DCC: variants seen among roughly 807,000 people sequenced by gnomAD.
DCC encodes the protein DCC netrin 1 receptor, also known as netrin receptor DCC.
In DCC, 58 loss-of-function variants were observed where a neutral mutation model predicts 172.5. That is an observed-to-expected ratio of 0.34 (90% CI 0.27 to 0.42). DCC has a LOEUF of 0.42. Ranked by LOEUF, DCC falls within the 10% of genes least tolerant of loss-of-function variation. The probability of loss-of-function intolerance (pLI) is 1.00; values close to 1 mark genes in which losing one functional copy is unlikely to be tolerated. For missense variants in DCC, 1,740 were observed against 1,791.0 expected, an observed-to-expected ratio of 0.97 and a Z score of 0.51; for synonymous variants, 709 against 644.5, an observed-to-expected ratio of 1.10 and a Z score of -1.52.
At chr18:53,268,595 T>G (rs988244910) in intron 12 of DCC, among the ~76,000 whole-genome samples, 6 of 152,182 alleles carry the variant, frequency 3.9e-5, no homozygotes, top group Non-Finnish European at 7.4e-5. Flanking sequence ...TTCCCCTTTA[T>G]TCCCTTTGTT....
intron 1 of DCC, among the ~76,000 whole-genome samples, chr18:52,644,578 C>CAAAA (rs34472651): frequency 2.7e-5 from 3 of 112,992 alleles, no homozygotes; most frequent in East Asian, 2.6e-4. Flanking sequence ...GACTCCGTCT[C>CAAAA]AAAAAAAAAA....
chr18:52,852,015 G>C (rs1438287450), intron 2 of DCC, among the ~76,000 whole-genome samples: 2 of 152,102 alleles, frequency 1.3e-5, no homozygotes, highest in Admixed American at 6.5e-5. Flanking sequence ...ACATCCTTCA[G>C]CTATTCAAAA....
intron 1 of DCC, among the ~76,000 whole-genome samples, chr18:52,364,757 AGTG>A (rs1984770629): frequency 1.3e-5 from 2 of 152,082 alleles, no homozygotes; most frequent in Non-Finnish European, 2.9e-5. Flanking sequence ...TCTTAGTATG[AGTG>A]GAAGTGGGCC....
chr18:52,790,775 G>C (rs747833334), intron 2 of DCC, among the ~76,000 whole-genome samples: 1 of 152,136 alleles, frequency 6.6e-6, no homozygotes, highest in Non-Finnish European at 1.5e-5. Flanking sequence ...ATTCTCTGCT[G>C]CCTGCAGAAT....
intron 1 of DCC, among the ~76,000 whole-genome samples, chr18:52,554,959 GAT>G: frequency 6.6e-6 from 1 of 152,154 alleles, no homozygotes; most frequent in Admixed American, 6.6e-5. Context: ...AAAGATAAAA[GAT>G]AGAATTTAGG....
chr18:53,442,023 C>T (rs73960158), intron 22 of DCC, among the ~76,000 whole-genome samples: 1 of 152,344 alleles, frequency 6.6e-6, no homozygotes, highest in African/African-American at 2.4e-5. Flanking sequence ...TTAGCAATAA[C>T]TCATGCTTCA....
intron 2 of DCC, among the ~76,000 whole-genome samples, chr18:52,762,486 C>A (rs1158874182): frequency 1.7e-4 from 25 of 146,542 alleles, no homozygotes; most frequent in East Asian, 4.0e-4. Context: ...AAAAAAAAAA[C>A]AAACATTTTT....
chr18:52,756,452 T>C (rs996606085), intron 2 of DCC, among the ~76,000 whole-genome samples: 1 of 152,184 alleles, frequency 6.6e-6, no homozygotes, highest in Non-Finnish European at 1.5e-5. Context: ...CCTTCTTCAC[T>C]GGATTTCAGC....
In DCC at chr18:52,603,434, A is replaced by C. The variant is rs576155674; in HGVS notation, c.92-148620A>C. ...GTAGCATTTTTAAGACAGTAAAGAA[A>C]AGGAGAATAGGAAAACTATCAAGAT... On this transcript the variant is annotated intron_variant, in intron 1 of 28. Transcript: ENST00000442544. Among the ~76,000 whole-genome samples the C allele has an allele frequency of 3.3e-5, 5 of 152,184 alleles. No individual in the cohort carries two copies. The South Asian group carries it at 1.0e-3, about 32-fold the overall frequency.
At position 53,532,819 on chromosome 18, in the gene DCC, T is replaced by TC. The variant is rs2046537438; in HGVS notation, c.*2166_*2167insC. The TC allele has an allele frequency of 1.9e-5, 2 of 106,534 alleles. No homozygotes were observed. Among genetic ancestry groups the TC allele is most frequent in the African/African-American group, 8.3e-5 (2 of 24,188 alleles). 6.6% of individuals were successfully genotyped at this position (106,534 alleles called of 1,614,324 possible). On this transcript the variant is annotated 3_prime_UTR_variant, in exon 29 of 29. Coordinates refer to ENST00000442544, the MANE Select transcript of DCC (RefSeq NM_005215.4). ...CAATCTATAGAATGAAGTTGACCAATTAAAAAAAAAAAAAAAACCTATCAT... is the reference window on the plus strand; with the variant it reads ...CAATCTATAGAATGAAGTTGACCAATCTAAAAAAAAAAAAAAAACCTATCAT...
At chr18:52,344,388 G>T (rs1463840888) in intron 1 of DCC, among the ~76,000 whole-genome samples, 2 of 152,112 alleles carry the variant, frequency 1.3e-5, no homozygotes, top group Admixed American at 1.3e-4. Flanking sequence ...TTTTAGAGAG[G>T]GAAGTTGTGA....
chr18:52,622,951 TA>T (rs544318807), intron 1 of DCC, among the ~76,000 whole-genome samples: 86 of 152,326 alleles, frequency 5.6e-4, no homozygotes, highest in African/African-American at 1.8e-3. Context: ...AAAGGACATG[TA>T]AAGAAGTTCA....
chr18:52,415,716 G>A (rs1187193747), intron 1 of DCC, among the ~76,000 whole-genome samples: 5 of 152,046 alleles, frequency 3.3e-5, no homozygotes, highest in African/African-American at 9.7e-5. Context: ...TTTTTGAAAC[G>A]TGAAGCCTGT....
Position 52,545,950 on chromosome 18 carries a change from T to G in DCC, c.91+205072T>G, listed in dbSNP as rs192359434. 1.6e-4 allele frequency among the ~76,000 whole-genome samples: 25 copies of G among 152,192 alleles called. No individual in the cohort carries two copies. In the East Asian group the frequency reaches 4.6e-3, roughly 28 times the overall value. On this transcript the variant is annotated intron_variant, in intron 1 of 28. Coordinates refer to ENST00000442544, the MANE Select transcript of DCC (RefSeq NM_005215.4). ...ATATTGGGCTAAATGCAGTCAGGAGTAAAGAAATTAAATATGTACCACCAA... is the reference window on the plus strand; with the variant it reads ...ATATTGGGCTAAATGCAGTCAGGAGGAAAGAAATTAAATATGTACCACCAA...
chr18:52,627,221 A>G (rs897226624), intron 1 of DCC, among the ~76,000 whole-genome samples: 1 of 152,128 alleles, frequency 6.6e-6, no homozygotes, highest in Non-Finnish European at 1.5e-5. Context: ...GTTACTTCAT[A>G]TTTTTATTTG....
chr18:52,349,674 G>A (rs1026689297), intron 1 of DCC, among the ~76,000 whole-genome samples: 8 of 152,216 alleles, frequency 5.3e-5, no homozygotes, highest in African/African-American at 1.7e-4. Context: ...TTGTCATCTG[G>A]CTCTTGATTC....
At chr18:52,881,513 G>T (rs112659637) in intron 2 of DCC, among the ~76,000 whole-genome samples, 1 of 152,068 alleles carries the variant, frequency 6.6e-6, no homozygotes, top group South Asian at 2.1e-4. Context: ...AATCCATTTT[G>T]ATTTTTGTAT....
At chr18:52,628,972 C>G (rs531008146) in intron 1 of DCC, among the ~76,000 whole-genome samples, 4 of 152,288 alleles carry the variant, frequency 2.6e-5, no homozygotes, top group African/African-American at 9.6e-5. Context: ...GGATTTGTTA[C>G]ACTCTCTGAA....
At chr18:52,505,526 G>A (rs1416572686) in intron 1 of DCC, among the ~76,000 whole-genome samples, 4 of 152,068 alleles carry the variant, frequency 2.6e-5, no homozygotes, top group African/African-American at 4.8e-5. Context: ...CACAAAAGAA[G>A]TTATATATAT....
Sources: allele counts gnomAD v4.1 joint callset (sites outside exome capture counted in the v4.1 genomes callset), GRCh38; gene constraint gnomAD v4.1.1; transcripts MANE v1.5; gene names NCBI Gene and HGNC (gene_info 2026-07-23, HGNC 2026-07-21).